PSMC6: variants seen among roughly 807,000 people sequenced by gnomAD.
PSMC6 encodes proteasome 26S subunit, ATPase 6.
Under a neutral mutation model 55.9 loss-of-function variants are expected in PSMC6, and 3 were observed. That is an observed-to-expected ratio of 0.05 (90% confidence interval 0.02 to 0.14). PSMC6 has a LOEUF of 0.14. PSMC6 is among the 10% of genes least tolerant of loss of function. PSMC6 has a pLI of 1.00. For missense variants in PSMC6, 210 were observed against 478.7 expected, an observed-to-expected ratio of 0.44 and a Z score of 5.24; for synonymous variants, 137 against 155.9, an observed-to-expected ratio of 0.88 and a Z score of 0.90.
chr14:52,708,201 A>G (rs888959321), intron 1 of PSMC6, 108 bp from the exon 2 acceptor site: 35 of 912,608 alleles, frequency 3.8e-5, no homozygotes, highest in Non-Finnish European at 5.5e-5. Flanking sequence ...TGGATGTGAA[A>G]CTTAGGTAAA....
At chr14:52,718,023 TCAAAA>T in intron 7 of PSMC6, 53 bp from the exon 8 acceptor site, 7 of 1,550,892 alleles carry the variant, frequency 4.5e-6, no homozygotes, top group Non-Finnish European at 4.4e-6. Flanking sequence ...ATTGCCTGTC[TCAAAA>T]CAAATTTTTT....
intron 7 of PSMC6, among the ~76,000 whole-genome samples, chr14:52,717,239 AAT>A (rs1164671533): frequency 1.3e-4 from 20 of 152,124 alleles, no homozygotes; most frequent in Non-Finnish European, 2.2e-4. Flanking sequence ...TTAACCCATA[AAT>A]ATACAATTTA....
In PSMC6 at chr14:52,718,234, A is replaced by G. The variant is rs757835831; in HGVS notation, c.597A>G (p.Val199=). The G allele has an allele frequency of 1.2e-6, 2 of 1,611,574 alleles. No homozygotes were observed. Among genetic ancestry groups the G allele is most frequent in the East Asian group, 2.2e-5 (1 of 44,842 alleles). Residue 199 remains valine, a synonymous_variant, in exon 9 of 14, where the codon GTA becomes GTG. Coordinates refer to ENST00000445930, the MANE Select transcript of PSMC6 (RefSeq NM_002806.5). ...SQLDCNFLKV[V]SSSIVDKYIG... ...ACTGTTTTTCCTTTAATCAGGTTGTATCTAGTTCTATTGTAGACAAGTACA... is the reference window on the plus strand; with the variant it reads ...ACTGTTTTTCCTTTAATCAGGTTGTGTCTAGTTCTATTGTAGACAAGTACA...
rs758738017 is a variant in PSMC6, at chr14:52,718,954, A to C, written c.716-23A>C. 5 of 1,580,918 alleles carry C rather than the reference A, an allele frequency of 3.2e-6. No individual in the cohort carries two copies. The Admixed American group carries it at 8.4e-5, about 27-fold the overall frequency. Reference sequence around the variant, plus strand: ...GTAGAGGAAAAGAGTAATGCATATAAATTTCCAAATCTACTATCTTAGGTG... The same window carrying C: ...GTAGAGGAAAAGAGTAATGCATATACATTTCCAAATCTACTATCTTAGGTG... On this transcript the variant is annotated intron_variant, in intron 9 of 13. Transcript: ENST00000445930.
chr14:52,716,246 G>A (rs747387975), intron 7 of PSMC6, among the ~76,000 whole-genome samples: 3 of 152,172 alleles, frequency 2.0e-5, no homozygotes, highest in Non-Finnish European at 4.4e-5. Flanking sequence ...CTACTGGTGG[G>A]AATGTAAATT....
chr14:52,710,844 G>C, intron 4 of PSMC6: 1 of 458,844 alleles, frequency 2.2e-6, no homozygotes, highest in South Asian at 2.4e-5. Context: ...TACCATTGCT[G>C]CCTCAAGCTT....
At chr14:52,720,221 CCAAAA>C (rs2041874302) in intron 10 of PSMC6, among the ~76,000 whole-genome samples, 1 of 55,462 alleles carries the variant, frequency 1.8e-5, no homozygotes, top group East Asian at 4.9e-4. Flanking sequence ...GAGTCTGTCT[CCAAAA>C]AAAAAAAAAA....
Position 52,724,012 on chromosome 14 carries a change from C to T in PSMC6, c.1027C>T (p.Leu343=). 6.2e-7 allele frequency: 1 copy of T among 1,613,786 alleles called. No homozygotes were observed. ...TTCGGATGGCTTTAATGGAGCAGAT[C>T]TGAGAAATGTTTGTACTGAAGCAGG... ...KLSDGFNGAD[L]RNVCTEAGMF... is the part of the protein sequence containing the mutation. Residue 343 remains leucine (L), a synonymous_variant, in exon 13 of 14, where the codon CTG becomes TTG. Transcript: ENST00000445930.
At chr14:52,715,112 C>T (rs944645202) in intron 7 of PSMC6, among the ~76,000 whole-genome samples, 4 of 141,322 alleles carry the variant, frequency 2.8e-5, no homozygotes, top group African/African-American at 1.1e-4. Flanking sequence ...GCGTTCTTGA[C>T]TGCCACATAC....
intron 4 of PSMC6, 128 bp downstream of exon 4, chr14:52,708,944 A>T: frequency 7.4e-7 from 1 of 1,353,514 alleles, no homozygotes; most frequent in Non-Finnish European, 9.9e-7. Context: ...ATTTGTTCAG[A>T]CATAGCTAGT....
At chr14:52,709,699 C>A in intron 4 of PSMC6, 1 of 368,332 alleles carries the variant, frequency 2.7e-6, no homozygotes, top group Non-Finnish European at 5.2e-6. Context: ...ATCCCTTATC[C>A]AAAATGCTTG....
chr14:52,717,544 G>A (rs535938243), intron 7 of PSMC6, among the ~76,000 whole-genome samples: 20 of 150,654 alleles, frequency 1.3e-4, no homozygotes, highest in Non-Finnish European at 2.7e-4. Context: ...ACTGTGTTTC[G>A]ATCTCCTGAC....
intron 6 of PSMC6, 31 bp from the exon 7 acceptor site, chr14:52,713,850 C>G: frequency 7.0e-7 from 1 of 1,426,944 alleles, no homozygotes; most frequent in Non-Finnish European, 9.8e-7. Flanking sequence ...TCTTGACTAA[C>G]TTTTTAAGAA....
chr14:52,708,735 A>G, intron 3 of PSMC6, 29 bp from the exon 4 acceptor site: 1 of 1,610,462 alleles, frequency 6.2e-7, no homozygotes, highest in Non-Finnish European at 8.5e-7. Flanking sequence ...TCTATTTTTC[A>G]ATTAGTTCTT....
At chr14:52,726,334 C>T (rs1328411005) in intron 13 of PSMC6, among the ~76,000 whole-genome samples, 1 of 152,124 alleles carries the variant, frequency 6.6e-6, no homozygotes, top group East Asian at 1.9e-4. Context: ...AATAAAAATA[C>T]CAATTTGTAC....
At chr14:52,720,671 G>C (rs2041881383) in intron 10 of PSMC6, among the ~76,000 whole-genome samples, 190 bp from the exon 11 acceptor site, 4 of 152,080 alleles carry the variant, frequency 2.6e-5, no homozygotes. Flanking sequence ...ATCTAGCTTA[G>C]AACTTTGAGG....
chr14:52,716,774 T>C (rs1383156149), intron 7 of PSMC6, among the ~76,000 whole-genome samples: 2 of 150,538 alleles, frequency 1.3e-5, no homozygotes, highest in Non-Finnish European at 3.0e-5. Context: ...GAAAAAGAAA[T>C]GTGGTAAATA....
chr14:52,723,938 C>G (rs1200253495), intron 12 of PSMC6, 27 bp from the exon 13 acceptor site: 1 of 1,607,384 alleles, frequency 6.2e-7, no homozygotes, highest in Non-Finnish European at 8.5e-7. Flanking sequence ...ATTTTTAAAA[C>G]TAATTTCCAG....
At chr14:52,710,980 T>A in intron 4 of PSMC6, 121 bp from the exon 5 acceptor site, 2 of 870,932 alleles carry the variant, frequency 2.3e-6, no homozygotes, top group Non-Finnish European at 3.8e-6. Context: ...GTTTATAATC[T>A]GATATTTGTG....
Sources: allele counts gnomAD v4.1 joint callset (sites outside exome capture counted in the v4.1 genomes callset), GRCh38; gene constraint gnomAD v4.1.1; transcripts MANE v1.5; gene names NCBI Gene and HGNC (gene_info 2026-07-23, HGNC 2026-07-21).